Variants in GPATCH2 observed in about 807,000 individuals in gnomAD.
GPATCH2 encodes the protein G-patch domain containing 2.
In GPATCH2, 51 loss-of-function variants were observed where a neutral mutation model predicts 58.0. The ratio of observed to expected loss-of-function variants is 0.88; its 90% CI spans 0.70 to 1.11. GPATCH2 has a LOEUF of 1.11. Ranked by LOEUF, GPATCH2 falls within the 50% of genes most tolerant of loss-of-function variation. The pLI, the probability that GPATCH2 is intolerant of heterozygous loss-of-function variation, is 0.00. For missense variants in GPATCH2, 625 were observed against 652.2 expected (o/e 0.96, Z 0.45); for synonymous variants, 222 against 218.5 (o/e 1.02, Z -0.14).
chr1:217,536,440 AT>A (rs1021435612), intron 5 of GPATCH2, among the ~76,000 whole-genome samples: 2 of 152,038 alleles, frequency 1.3e-5, no homozygotes, highest in Non-Finnish European at 1.5e-5. Context: ...TTCTTATTTT[AT>A]TTTTCTTTCA....
intron 5 of GPATCH2, among the ~76,000 whole-genome samples, chr1:217,518,897 G>C (rs1181208930): frequency 6.6e-6 from 1 of 152,194 alleles, no homozygotes; most frequent in Non-Finnish European, 1.5e-5. Flanking sequence ...TTTCCATTTT[G>C]TGAGGACTGG....
At chr1:217,448,735 C>T (rs188997650) in intron 9 of GPATCH2, among the ~76,000 whole-genome samples, 111 of 152,194 alleles carry the variant, frequency 7.3e-4, no homozygotes, top group African/African-American at 2.4e-3. Context: ...AGAGCTTTCG[C>T]AATCTAGTAC....
intron 5 of GPATCH2, among the ~76,000 whole-genome samples, chr1:217,593,158 GA>G (rs1667669204): frequency 6.6e-6 from 1 of 151,880 alleles, no homozygotes; most frequent in South Asian, 2.1e-4. Context: ...TTCTTAACTA[GA>G]AAAATGACTC....
intron 8 of GPATCH2, among the ~76,000 whole-genome samples, chr1:217,485,793 TCTAAACATAA>T (rs1375516874): frequency 6.6e-6 from 1 of 152,120 alleles, no homozygotes; most frequent in Non-Finnish European, 1.5e-5. Context: ...TATTTGTGTA[TCTAAACATAA>T]CTAAACATGG....
At chr1:217,432,137 T>C (rs765026241) in intron 9 of GPATCH2, among the ~76,000 whole-genome samples, 13 of 151,944 alleles carry the variant, frequency 8.6e-5, no homozygotes, top group Non-Finnish European at 1.6e-4. Context: ...GATAGATATA[T>C]TTCTTCCTTC....
At chr1:217,562,185 G>A (rs1265595649) in intron 5 of GPATCH2, among the ~76,000 whole-genome samples, 5 of 152,082 alleles carry the variant, frequency 3.3e-5, no homozygotes, top group Non-Finnish European at 5.9e-5. Context: ...AAATTAACAC[G>A]GAATGCCCCC....
chr1:217,438,717 T>C (rs1408731003), intron 9 of GPATCH2, among the ~76,000 whole-genome samples: 1 of 152,032 alleles, frequency 6.6e-6, no homozygotes, highest in Non-Finnish European at 1.5e-5. Context: ...TGGGACCATG[T>C]GAAAAGACCA....
intron 1 of GPATCH2, among the ~76,000 whole-genome samples, chr1:217,624,698 CACTTTTCT>C (rs1256231792): frequency 6.6e-6 from 1 of 152,194 alleles, no homozygotes; most frequent in Non-Finnish European, 1.5e-5. Context: ...GGAAATATAG[CACTTTTCT>C]ATACAAATCT....
intron 7 of GPATCH2, among the ~76,000 whole-genome samples, chr1:217,497,391 A>G (rs1396580360): frequency 1.3e-5 from 2 of 152,080 alleles, no homozygotes; most frequent in Non-Finnish European, 2.9e-5. Context: ...ACTCACTCTC[A>G]TGGAAAAAAG....
At chr1:217,473,104 T>G (rs1660805652) in intron 8 of GPATCH2, among the ~76,000 whole-genome samples, 1 of 152,204 alleles carries the variant, frequency 6.6e-6, no homozygotes, top group East Asian at 1.9e-4. Flanking sequence ...CTTCTGTCCC[T>G]TACTACCTAT....
chr1:217,607,187 C>CA (rs1668401084), intron 5 of GPATCH2, among the ~76,000 whole-genome samples: 1 of 152,174 alleles, frequency 6.6e-6, no homozygotes, highest in African/African-American at 2.4e-5. Context: ...AATCAATACT[C>CA]ACAATTTCTG....
At position 217,567,034 on chromosome 1, in the gene GPATCH2, T is replaced by C. The variant is rs553962901; in HGVS notation, c.1098+43287A>G. 1.4e-3 allele frequency among the ~76,000 whole-genome samples: 213 copies of C among 147,050 alleles called. 1 individual carries two copies. Among genetic ancestry groups the C allele is most frequent in the African/African-American group, 5.2e-3 (210 of 40,708 alleles). On this transcript the variant is annotated intron_variant, in intron 5 of 9. Coordinates refer to ENST00000366935, the MANE Select transcript of GPATCH2 (RefSeq NM_018040.5). ...TACAACTAAAACATCACTCAGCAAA[T>C]ATAACTTCTGGCTTTTTTTTTTTTT...
chr1:217,606,613 C>T (rs905828785), intron 5 of GPATCH2, among the ~76,000 whole-genome samples: 6 of 151,976 alleles, frequency 3.9e-5, no homozygotes, highest in African/African-American at 1.2e-4. Flanking sequence ...TGTTGGTGCA[C>T]GCCTGTAGAC....
At chr1:217,455,335 C>T (rs191455906) in intron 8 of GPATCH2, among the ~76,000 whole-genome samples, 92 of 152,228 alleles carry the variant, frequency 6.0e-4, no homozygotes, top group Non-Finnish European at 1.1e-3. Context: ...GCCTGCCTAC[C>T]CTTCTCCAAG....
At chr1:217,443,753 T>A (rs1014563159) in intron 9 of GPATCH2, among the ~76,000 whole-genome samples, 1 of 152,150 alleles carries the variant, frequency 6.6e-6, no homozygotes, top group Admixed American at 6.5e-5. Flanking sequence ...ACTCTTCAGA[T>A]CTCGCCTAAA....
chr1:217,620,813 C>A (rs943850107), intron 1 of GPATCH2, among the ~76,000 whole-genome samples: 4 of 152,146 alleles, frequency 2.6e-5, no homozygotes, highest in African/African-American at 9.7e-5. Flanking sequence ...TATCCGCTGG[C>A]CCACTCCTAC....
intron 5 of GPATCH2, among the ~76,000 whole-genome samples, chr1:217,557,488 T>C (rs1436607031): frequency 1.3e-5 from 2 of 152,180 alleles, no homozygotes; most frequent in African/African-American, 4.8e-5. Flanking sequence ...TAAACTTTTT[T>C]GTTCTACTTA....
intron 4 of GPATCH2, among the ~76,000 whole-genome samples, 185 bp from the exon 5 acceptor site, chr1:217,610,585 G>A (rs1402411119): frequency 6.6e-6 from 1 of 152,126 alleles, no homozygotes; most frequent in Non-Finnish European, 1.5e-5. Flanking sequence ...AAAGTACTAA[G>A]GCAGTCAGCA....
intron 5 of GPATCH2, chr1:217,609,613 A>G (rs1668531457): frequency 1.0e-6 from 1 of 981,538 alleles, no homozygotes; most frequent in Non-Finnish European, 1.2e-6. Context: ...AAGATTATCA[A>G]CCTTACCTAC....
Sources: gnomAD v4.1 joint callset for allele counts (sites outside exome capture counted in the v4.1 genomes callset) on GRCh38, gnomAD v4.1.1 for gene constraint, MANE v1.5 for transcripts, NCBI Gene and HGNC (gene_info 2026-07-23, HGNC 2026-07-21) for gene names.